Variants in RGL1 observed in about 807,000 individuals in gnomAD.
The protein encoded by RGL1 is ral guanine nucleotide dissociation stimulator-like 1.
In RGL1, 24 loss-of-function variants were observed where a neutral mutation model predicts 95.2. That is an observed-to-expected ratio of 0.25 (90% CI 0.18 to 0.35). The LOEUF (loss-of-function observed/expected upper bound fraction) is 0.35. Ranked by LOEUF, RGL1 falls within the 10% of genes least tolerant of loss-of-function variation. The pLI, the probability that RGL1 is intolerant of heterozygous loss-of-function variation, is 1.00. For synonymous variants in RGL1, 329 were observed against 344.9 expected (o/e 0.95, Z 0.51); for missense variants, 715 against 936.3 (o/e 0.76, Z 3.08).
At chr1:183,688,447 G>T (rs1186117520) in intron 1 of RGL1, among the ~76,000 whole-genome samples, 1 of 149,400 alleles carries the variant, frequency 6.7e-6, no homozygotes, top group East Asian at 1.9e-4. Context: ...GAAATCTCTG[G>T]ATCTACTGAA....
At chr1:183,748,318 T>C (rs1230307033) in intron 2 of RGL1, among the ~76,000 whole-genome samples, 1 of 151,832 alleles carries the variant, frequency 6.6e-6, no homozygotes, top group African/African-American at 2.4e-5. Context: ...ACTCCTTGAG[T>C]TCTGCTCTGA....
chr1:183,849,689 C>G (rs1009747968), intron 3 of RGL1, among the ~76,000 whole-genome samples: 2 of 151,824 alleles, frequency 1.3e-5, no homozygotes, highest in Non-Finnish European at 2.9e-5. Flanking sequence ...CAGGGCTTTA[C>G]CATGTTGGCC....
intron 2 of RGL1, among the ~76,000 whole-genome samples, chr1:183,781,707 G>C (rs1386181865): frequency 6.6e-6 from 1 of 151,984 alleles, no homozygotes; most frequent in Non-Finnish European, 1.5e-5. Context: ...TCTATACCTG[G>C]CATTTTTCCT....
At chr1:183,884,130 T>A (rs997850016) in intron 6 of RGL1, among the ~76,000 whole-genome samples, 1 of 152,256 alleles carries the variant, frequency 6.6e-6, no homozygotes, top group Non-Finnish European at 1.5e-5. Context: ...AAGGTGCTTT[T>A]GGAGCTCAAG....
chr1:183,656,118 T>C (rs918139195), intron 1 of RGL1, among the ~76,000 whole-genome samples: 2 of 149,850 alleles, frequency 1.3e-5, no homozygotes, highest in Non-Finnish European at 2.9e-5. Context: ...CTTTTCTTTT[T>C]TTTTTCTCAT....
At chr1:183,713,594 C>G (rs2102182946) in intron 1 of RGL1, among the ~76,000 whole-genome samples, 1 of 152,152 alleles carries the variant, frequency 6.6e-6, no homozygotes, top group African/African-American at 2.4e-5. Flanking sequence ...TGATTAAAGG[C>G]CTTATAAAAG....
Position 183,654,022 on chromosome 1 carries a change from C to A in RGL1, c.-33+17521C>A, listed in dbSNP as rs142008446. Among the ~76,000 whole-genome samples, 155 of 152,274 alleles carry A rather than the reference C, an allele frequency of 1.0e-3. 1 individual carries two copies. The highest frequency in any genetic ancestry group is 3.5e-4 in the Non-Finnish European group (24 of 68,026). On this transcript the variant is annotated intron_variant, in intron 1 of 18. Coordinates refer to the RGL1 transcript ENST00000304685. ...GTGGGGATTGCTATTGTGTACATTC[C>A]AGTAATAACTATTGGCTGTAAGCAG...
chr1:183,821,515 A>T (rs563240345), intron 2 of RGL1, among the ~76,000 whole-genome samples: 2 of 152,336 alleles, frequency 1.3e-5, no homozygotes, highest in South Asian at 4.1e-4. Context: ...AATCTGAAGC[A>T]TTACCAGGAG....
intron 3 of RGL1, among the ~76,000 whole-genome samples, chr1:183,864,444 C>T (rs974749763): frequency 2.6e-5 from 4 of 152,210 alleles, no homozygotes; most frequent in Non-Finnish European, 5.9e-5. Context: ...CTTGCACCCA[C>T]CGTAATCTCT....
chr1:183,710,160 G>A lies in RGL1; in HGVS notation c.-32-31966G>A, dbSNP rs562442482. 4.7e-5 allele frequency: 10 copies of A among 212,012 alleles called. No homozygotes were observed. The East Asian group carries it at 7.8e-4, about 17-fold the overall frequency. The allele number at this position is 212,012 out of a possible 1,614,324, so 13.1% of individuals were successfully genotyped here. On this transcript the variant is annotated intron_variant, in intron 1 of 18. Coordinates refer to the RGL1 transcript ENST00000304685. ...TCTCAATGCCTGGCTTGTTGCTCAC[G>A]CTTCATGGCTCTCAGCAGGTGGTCC...
chr1:183,684,997 ATC>A (rs1558152458), intron 1 of RGL1, among the ~76,000 whole-genome samples: 1 of 152,208 alleles, frequency 6.6e-6, no homozygotes, highest in Admixed American at 6.5e-5. Flanking sequence ...TTCTGCGTTG[ATC>A]TTGCTGGAAG....
intron 2 of RGL1, among the ~76,000 whole-genome samples, chr1:183,755,974 C>T (rs1265221194): frequency 6.6e-6 from 1 of 151,232 alleles, no homozygotes; most frequent in Non-Finnish European, 1.5e-5. Context: ...ACCTCTGCCT[C>T]CCGGGTTCAA....
At chr1:183,909,168 T>C (rs533787009) in intron 14 of RGL1, among the ~76,000 whole-genome samples, 4 of 152,344 alleles carry the variant, frequency 2.6e-5, no homozygotes, top group African/African-American at 9.6e-5. Context: ...CCCATCTTAT[T>C]TCTTGTACAT....
In RGL1 at chr1:183,709,705, C is replaced by A. The variant is rs905236136; in HGVS notation, c.-32-32421C>A. ...GGCTAGTGATCATGTGTTGTGGACA[C>A]CCCACTCTCACTATGTGAATTCGAG... On this transcript the variant is annotated intron_variant, in intron 1 of 18. Transcript: ENST00000304685. 5 of 215,482 alleles carry A rather than the reference C, an allele frequency of 2.3e-5. No individual in the cohort carries two copies. In the East Asian group the frequency reaches 5.5e-4, roughly 24 times the overall value. The allele number at this position is 215,482 out of a possible 1,614,324, so 13.3% of individuals were successfully genotyped here.
chr1:183,780,294 A>C (rs2102353012), intron 2 of RGL1, among the ~76,000 whole-genome samples: 1 of 152,284 alleles, frequency 6.6e-6, no homozygotes, highest in East Asian at 1.9e-4. Context: ...TCCATTTTTG[A>C]AACAGCTGTT....
intron 1 of RGL1, chr1:183,648,477 T>A: frequency 6.2e-7 from 1 of 1,614,210 alleles, no homozygotes; most frequent in Non-Finnish European, 8.5e-7. Flanking sequence ...AAGATAACCA[T>A]TCATTTCAAA....
chr1:183,792,402 C>T (rs868469367), intron 2 of RGL1, among the ~76,000 whole-genome samples: 1 of 151,950 alleles, frequency 6.6e-6, no homozygotes, highest in South Asian at 2.1e-4. Flanking sequence ...GTATGAGAAT[C>T]GTCTTGTTCA....
intron 8 of RGL1, among the ~76,000 whole-genome samples, chr1:183,891,319 A>T (rs1349885250): frequency 3.9e-5 from 6 of 152,152 alleles, no homozygotes; most frequent in Admixed American, 3.9e-4. Context: ...CATGAGGCTC[A>T]CAGAGATGTA....
chr1:183,804,503 T>C (rs1661159966), upstream of RGL1, among the ~76,000 whole-genome samples: 1 of 152,250 alleles, frequency 6.6e-6, no homozygotes, highest in African/African-American at 2.4e-5. Context: ...CCATGGTGGC[T>C]ACTCACAAAG....
Sources: gnomAD v4.1 joint callset for allele counts (sites outside exome capture counted in the v4.1 genomes callset) on GRCh38, gnomAD v4.1.1 for gene constraint, MANE v1.5 for transcripts, NCBI Gene and HGNC (gene_info 2026-07-23, HGNC 2026-07-21) for gene names.